The following WWP1 variants were observed in gnomAD, a reference collection of about 807,000 sequenced individuals.
The protein encoded by WWP1 is NEDD4-like E3 ubiquitin-protein ligase WWP1.
Under a neutral mutation model 130.6 loss-of-function variants are expected in WWP1, and 49 were observed. That is an observed-to-expected ratio of 0.38 (90% CI 0.30 to 0.48). WWP1 has a LOEUF of 0.48. Among genes scored for constraint, WWP1 ranks in the 20% least tolerant of loss-of-function variants. WWP1 has a pLI of 0.99. For synonymous variants in WWP1, 332 were observed against 367.8 expected (o/e 0.90, Z 1.11); for missense variants, 809 against 1,100.6 (o/e 0.74, Z 3.75).
intron 14 of WWP1, among the ~76,000 whole-genome samples, chr8:86,432,302 A>C (rs1810024211): frequency 1.3e-5 from 2 of 152,208 alleles, no homozygotes; most frequent in Admixed American, 1.3e-4. Flanking sequence ...CAATCCTAAA[A>C]GGTCTTTTGC....
At chr8:86,414,147 G>T (rs751274016) in intron 9 of WWP1, among the ~76,000 whole-genome samples, 10 of 152,148 alleles carry the variant, frequency 6.6e-5, no homozygotes, top group South Asian at 2.1e-4. Context: ...ATGAAATAAA[G>T]AAATATAGGC....
At chr8:86,373,572 G>A (rs1181842732) in intron 2 of WWP1, among the ~76,000 whole-genome samples, 1 of 152,118 alleles carries the variant, frequency 6.6e-6, no homozygotes, top group Admixed American at 6.6e-5. Flanking sequence ...GCCCAGACTG[G>A]TGGCTTGTTT....
chr8:86,401,971 T>G, intron 7 of WWP1, 48 bp from the exon 8 acceptor site: 5 of 1,408,732 alleles, frequency 3.5e-6, no homozygotes, highest in Non-Finnish European at 4.7e-6. Flanking sequence ...TCATGAAATG[T>G]TGTTGAATTA....
At chr8:86,420,261 G>A (rs1377539512) in intron 9 of WWP1, among the ~76,000 whole-genome samples, 4 of 152,188 alleles carry the variant, frequency 2.6e-5, no homozygotes, top group Non-Finnish European at 4.4e-5. Flanking sequence ...TCATAGAACA[G>A]CTAATGAGCT....
chr8:86,392,902 T>TG (rs1807435927), intron 5 of WWP1, among the ~76,000 whole-genome samples: 1 of 152,192 alleles, frequency 6.6e-6, no homozygotes, highest in African/African-American at 2.4e-5. Context: ...AAAAGTTTTC[T>TG]GGAAGTTCAG....
At chr8:86,363,063 A>C (rs1373694840) in intron 1 of WWP1, among the ~76,000 whole-genome samples, 1 of 152,210 alleles carries the variant, frequency 6.6e-6, no homozygotes, top group Non-Finnish European at 1.5e-5. Context: ...ATCAAAAAAC[A>C]AAATTATCAC....
Position 86,411,537 on chromosome 8 carries a change from G to T in WWP1, c.725-1G>T. ...TGATTTTATTAATTTTCCCTTCTCA[G>T]TTAATGGAGAATCATCCTCATTTGC... On this transcript the variant is annotated splice_acceptor_variant, in intron 8 of 24. Coordinates refer to ENST00000517970, the MANE Select transcript of WWP1 (RefSeq NM_007013.4). LOFTEE classifies it high-confidence loss of function. 6.2e-7 allele frequency: 1 copy of T among 1,608,058 alleles called. No individual in the cohort carries two copies. The highest frequency in any genetic ancestry group is 8.5e-7 in the Non-Finnish European group (1 of 1,176,044).
At chr8:86,461,388 A>G (rs915804932) in intron 23 of WWP1, 68 bp downstream of exon 23, 1 of 1,317,332 alleles carries the variant, frequency 7.6e-7, no homozygotes, top group South Asian at 1.2e-5. Context: ...TGGACATACA[A>G]TAGACTTGAT....
rs141782654 is a variant in WWP1 at position 86,406,925 on chromosome 8, A to C, written c.725-4613A>C. ...TTTCTACTTTTTTCTTCTTTATTTG[A>C]ATGTACTTTTAGGGTGAGGACAAAT... On this transcript the variant is annotated intron_variant, in intron 8 of 24. Transcript: ENST00000517970. Among the ~76,000 whole-genome samples, 500 of 152,336 alleles carry C rather than the reference A, an allele frequency of 3.3e-3. 2 individuals are homozygous for C. The highest frequency in any genetic ancestry group is 0.012 in the African/African-American group (479 of 41,576).
chr8:86,423,933 G>T (rs1809408755), intron 9 of WWP1, among the ~76,000 whole-genome samples: 1 of 111,070 alleles, frequency 9.0e-6, no homozygotes, highest in Admixed American at 8.6e-5. Flanking sequence ...GGGGCGGCTG[G>T]CCGGGCGGGG....
intron 19 of WWP1, 40 bp downstream of exon 19, chr8:86,448,321 AC>A: frequency 3.2e-6 from 5 of 1,583,796 alleles, no homozygotes; most frequent in Non-Finnish European, 4.3e-6. Context: ...TTTTTTTGAA[AC>A]CCATTTTGTT....
chr8:86,410,231 A>G (rs536026671), intron 8 of WWP1, among the ~76,000 whole-genome samples: 25 of 152,296 alleles, frequency 1.6e-4, no homozygotes, highest in African/African-American at 6.0e-4. Context: ...AACACCTTAA[A>G]TAACATAAGA....
intron 1 of WWP1, among the ~76,000 whole-genome samples, chr8:86,346,444 C>T (rs1822587181): frequency 6.6e-6 from 1 of 152,232 alleles, no homozygotes; most frequent in African/African-American, 2.4e-5. Context: ...ACTTTATCTT[C>T]TCTGTTCATT....
chr8:86,399,714 A>G (rs1025364178), intron 7 of WWP1, among the ~76,000 whole-genome samples: 5 of 152,210 alleles, frequency 3.3e-5, no homozygotes, highest in Admixed American at 1.3e-4. Flanking sequence ...TGTCAATTGC[A>G]TAGTAAGACG....
intron 5 of WWP1, among the ~76,000 whole-genome samples, chr8:86,383,943 G>A (rs892390497): frequency 2.0e-5 from 3 of 152,182 alleles, no homozygotes; most frequent in African/African-American, 7.2e-5. Flanking sequence ...CAGACTGGGT[G>A]CCTTAATGGA....
intron 21 of WWP1, among the ~76,000 whole-genome samples, chr8:86,453,053 G>C (rs1312717069): frequency 1.3e-5 from 2 of 152,046 alleles, no homozygotes; most frequent in Non-Finnish European, 2.9e-5. Flanking sequence ...AGTATATCAG[G>C]CATGTGATAA....
At chr8:86,466,222 A>G (rs1812113617) in intron 24 of WWP1, among the ~76,000 whole-genome samples, 1 of 152,180 alleles carries the variant, frequency 6.6e-6, no homozygotes, top group Admixed American at 6.5e-5. Flanking sequence ...ATCAGTTAAT[A>G]CCAGAATGGA....
intron 7 of WWP1, among the ~76,000 whole-genome samples, chr8:86,399,134 AT>A (rs887590724): frequency 5.9e-5 from 9 of 152,050 alleles, no homozygotes; most frequent in African/African-American, 1.9e-4. Flanking sequence ...ACAGTGCTTT[AT>A]TTTTTTTATT....
At chr8:86,402,746 A>T (rs1418316903) in intron 8 of WWP1, among the ~76,000 whole-genome samples, 1 of 152,240 alleles carries the variant, frequency 6.6e-6, no homozygotes, top group Non-Finnish European at 1.5e-5. Flanking sequence ...AAGTGCTTAT[A>T]TGAGAGCTAG....
Sources: gnomAD v4.1 joint callset for allele counts (sites outside exome capture counted in the v4.1 genomes callset) on GRCh38, gnomAD v4.1.1 for gene constraint, MANE v1.5 for transcripts, NCBI Gene and HGNC (gene_info 2026-07-23, HGNC 2026-07-21) for gene names.